IL21R: variants seen among roughly 807,000 people sequenced by gnomAD.
IL21R encodes the protein interleukin-21 receptor.
A neutral mutation model predicts 41.3 loss-of-function variants in IL21R; 14 were observed. The observed-to-expected ratio is 0.34, with a 90% confidence interval of 0.22 to 0.53. The LOEUF (loss-of-function observed/expected upper bound fraction) is 0.53. Ranked by LOEUF, IL21R falls within the 20% of genes least tolerant of loss-of-function variation. The pLI, the probability that IL21R is intolerant of heterozygous loss-of-function variation, is 0.94. For missense variants in IL21R, 588 were observed against 681.6 expected (o/e 0.86, Z 1.53); for synonymous variants, 286 against 287.6 (o/e 0.99, Z 0.05).
At chr16:27,409,356 T>TA (rs1253205859) in intron 1 of IL21R, among the ~76,000 whole-genome samples, 2 of 151,042 alleles carry the variant, frequency 1.3e-5, no homozygotes, top group Admixed American at 6.6e-5. Flanking sequence ...TTTTGATCAA[T>TA]AAAAAATCTT....
intron 8 of IL21R, among the ~76,000 whole-genome samples, chr16:27,447,437 A>G (rs1176872907): frequency 6.6e-6 from 1 of 152,030 alleles, no homozygotes; most frequent in East Asian, 1.9e-4. Context: ...TTCTGAGATG[A>G]GTTTTTGAGG....
At chr16:27,425,155 G>A (rs563115158) in intron 1 of IL21R, among the ~76,000 whole-genome samples, 65 of 152,296 alleles carry the variant, frequency 4.3e-4, no homozygotes, top group Non-Finnish European at 7.3e-4. Context: ...ATATCAAGGG[G>A]CTCCTGTAGC....
At chr16:27,446,619 A>G (rs2141314616) in intron 8 of IL21R, among the ~76,000 whole-genome samples, 1 of 152,172 alleles carries the variant, frequency 6.6e-6, no homozygotes, top group East Asian at 1.9e-4. Context: ...AGAAAAAGTA[A>G]ACAAAATAAT....
At position 27,448,688 on chromosome 16, in the gene IL21R, T is replaced by A. The variant is rs1477329042; in HGVS notation, c.1022T>A (p.Val341Glu). The change falls in exon 9 of 9, where the codon GTG becomes GAG. Residue 341 changes from valine (V) to glutamate (E), a missense_variant. Val to Glu is a moderately radical substitution (Grantham distance 121). Transcript: ENST00000337929. ...GAGCTACAAGAACCAGCAGAGCTGG[T>A]GGAGTCTGACGGTGTGCCCAAGCCC... is the stretch of plus-strand genomic sequence containing the variant. ...LTELQEPAEL[V>E]ESDGVPKPSF... 1 of 1,613,074 alleles carries A rather than the reference T, an allele frequency of 6.2e-7. No individual in the cohort carries two copies. The highest frequency in any genetic ancestry group is 2.2e-5 in the East Asian group (1 of 44,874).
intron 5 of IL21R, among the ~76,000 whole-genome samples, chr16:27,443,336 C>T (rs1364570048): frequency 2.0e-5 from 3 of 152,154 alleles, no homozygotes; most frequent in East Asian, 1.9e-4. Flanking sequence ...CTGGTCTCCT[C>T]GGCGGTCAGC....
intron 4 of IL21R, among the ~76,000 whole-genome samples, chr16:27,439,818 G>A (rs532243318): frequency 2.6e-5 from 4 of 152,204 alleles, no homozygotes; most frequent in Admixed American, 6.5e-5. Context: ...ACCACCTCCC[G>A]CCGAGGGTCC....
intron 1 of IL21R, among the ~76,000 whole-genome samples, chr16:27,418,414 G>C (rs2086936147): frequency 6.6e-6 from 1 of 150,924 alleles, no homozygotes; most frequent in Non-Finnish European, 1.5e-5. Flanking sequence ...TATCACCCAG[G>C]CTGGAGTGCA....
At chr16:27,431,333 C>T (rs3093308) in intron 2 of IL21R, among the ~76,000 whole-genome samples, 42,203 of 152,102 alleles carry the variant, frequency 0.28, 6,344 homozygotes, top group East Asian at 0.46. Flanking sequence ...CAAGCCCTGG[C>T]TGCATGCAAA....
intron 1 of IL21R, among the ~76,000 whole-genome samples, chr16:27,407,184 G>A (rs1487592573): frequency 6.6e-6 from 1 of 152,160 alleles, no homozygotes; most frequent in East Asian, 1.9e-4. Context: ...GGCACCTACA[G>A]GTCCCCTTCT....
chr16:27,411,991 A>T (rs1223911585), intron 1 of IL21R, among the ~76,000 whole-genome samples: 1 of 152,134 alleles, frequency 6.6e-6, no homozygotes, highest in African/African-American at 2.4e-5. Context: ...TTTTGTTATC[A>T]CACACAAGAA....
chr16:27,446,852 A>G (rs1430731322), intron 8 of IL21R, among the ~76,000 whole-genome samples: 4 of 152,194 alleles, frequency 2.6e-5, no homozygotes, highest in African/African-American at 7.2e-5. Flanking sequence ...GTCTGTGCCC[A>G]TTTACAGCCG....
chr16:27,445,123 T>C (rs1696417060), intron 6 of IL21R, 54 bp from the exon 7 acceptor site: 2 of 1,320,496 alleles, frequency 1.5e-6, no homozygotes, highest in Admixed American at 1.7e-5. Context: ...GCCCACCCCA[T>C]ATGGCCTCTG....
chr16:27,423,412 C>T (rs2087027683), intron 1 of IL21R, among the ~76,000 whole-genome samples: 1 of 152,146 alleles, frequency 6.6e-6, no homozygotes. Flanking sequence ...ATATAATCAA[C>T]ACCCATGGTA....
rs1287637332 is a variant in IL21R, at chr16:27,450,514, T to TC, written c.*1231_*1232insC. 8.8e-6 allele frequency: 2 copies of TC among 228,390 alleles called. No individual in the cohort carries two copies. The highest frequency in any genetic ancestry group is 1.7e-5 in the Non-Finnish European group (2 of 115,026). 14.1% of individuals were successfully genotyped at this position (228,390 alleles called of 1,614,324 possible). ...GAGGTCAAGTTGTTTGTCAATGATTTGTCAGAGAACCTGTTGAAATGTGAA... is the reference window on the plus strand; with the variant it reads ...GAGGTCAAGTTGTTTGTCAATGATTTCGTCAGAGAACCTGTTGAAATGTGAA... On this transcript the variant is annotated 3_prime_UTR_variant, in exon 9 of 9. Coordinates refer to ENST00000337929, the MANE Select transcript of IL21R (RefSeq NM_181078.3).
At chr16:27,405,081 G>A (rs1164566946) in intron 1 of IL21R, among the ~76,000 whole-genome samples, 1 of 151,530 alleles carries the variant, frequency 6.6e-6, no homozygotes, top group Non-Finnish European at 1.5e-5. Flanking sequence ...TGCCCAGGCT[G>A]GAGTGCGGTG....
At chr16:27,420,293 C>G (rs949872608) in intron 1 of IL21R, among the ~76,000 whole-genome samples, 4 of 152,192 alleles carry the variant, frequency 2.6e-5, no homozygotes, top group African/African-American at 7.2e-5. Context: ...CGTCACTAGA[C>G]AATAGGAATT....
chr16:27,437,742 G>A (rs1255226154), intron 4 of IL21R, 55 bp downstream of exon 4: 6 of 1,443,988 alleles, frequency 4.2e-6, no homozygotes, highest in South Asian at 1.2e-5. Context: ...GCTCACCGCA[G>A]CCCTGACCTC....
intron 1 of IL21R, among the ~76,000 whole-genome samples, chr16:27,403,536 A>G (rs2086694121): frequency 6.6e-6 from 1 of 152,040 alleles, no homozygotes. Flanking sequence ...CGCCTTCCTC[A>G]CTCGGTGAAC....
intron 1 of IL21R, among the ~76,000 whole-genome samples, chr16:27,427,568 C>T (rs1012920865): frequency 3.3e-5 from 5 of 152,076 alleles, no homozygotes; most frequent in Non-Finnish European, 5.9e-5. Context: ...CTTATTTTTA[C>T]TTCTATTTTT....
Sources: allele counts gnomAD v4.1 joint callset (sites outside exome capture counted in the v4.1 genomes callset), GRCh38; gene constraint gnomAD v4.1.1; transcripts MANE v1.5; gene names NCBI Gene and HGNC (gene_info 2026-07-23, HGNC 2026-07-21).